ATG2B: variants seen among roughly 807,000 people sequenced by gnomAD.
ATG2B encodes the protein autophagy related 2B.
Under a neutral mutation model 241.3 loss-of-function variants are expected in ATG2B, and 121 were observed. The observed-to-expected ratio is 0.50, with a 90% confidence interval of 0.43 to 0.58. ATG2B has a LOEUF of 0.58. Ranked by LOEUF, ATG2B falls within the 20% of genes least tolerant of loss-of-function variation. The probability of loss-of-function intolerance (pLI) is 0.00; values close to 1 mark genes in which losing one functional copy is unlikely to be tolerated. For synonymous variants in ATG2B, 858 were observed against 876.6 expected, an observed-to-expected ratio of 0.98 and a Z score of 0.37; for missense variants, 2,306 against 2,491.6, an observed-to-expected ratio of 0.93 and a Z score of 1.59.
intron 1 of ATG2B, among the ~76,000 whole-genome samples, chr14:96,355,560 G>T (rs1162871038): frequency 1.3e-5 from 2 of 152,032 alleles, no homozygotes; most frequent in African/African-American, 4.8e-5. Flanking sequence ...AATAGAAATA[G>T]TAACTCCACA....
chr14:96,353,615 G>A (rs527459193), intron 1 of ATG2B, among the ~76,000 whole-genome samples: 2 of 149,482 alleles, frequency 1.3e-5, no homozygotes, highest in Admixed American at 1.4e-4. Context: ...GAAACAGTGA[G>A]AATCTGTCTC....
chr14:96,324,870 A>G (rs1887549080), intron 15 of ATG2B, among the ~76,000 whole-genome samples: 2 of 152,082 alleles, frequency 1.3e-5, no homozygotes, highest in African/African-American at 4.8e-5. Context: ...GAGAGAGAAA[A>G]GAAGGGGAAC....
rs146974559 is a variant in ATG2B at position 96,358,933 on chromosome 14, T to C, written c.162+3882A>G. On this transcript the variant is annotated intron_variant, in intron 1 of 41. Transcript: ENST00000359933. Reference sequence around the variant, plus strand: ...TTATCATCAATGAGTTTCACGCATATAAACAGAAAAAGTGAAGGTAACACT... The same window carrying C: ...TTATCATCAATGAGTTTCACGCATACAAACAGAAAAAGTGAAGGTAACACT... Among the ~76,000 whole-genome samples, 673 of 152,334 alleles carry C rather than the reference T, an allele frequency of 4.4e-3. 26 individuals carry two copies. The South Asian group carries it at 0.067, about 15-fold the overall frequency.
At chr14:96,357,863 A>T (rs1209287416) in intron 1 of ATG2B, among the ~76,000 whole-genome samples, 1 of 152,190 alleles carries the variant, frequency 6.6e-6, no homozygotes, top group Admixed American at 6.5e-5. Flanking sequence ...CTATTACTTC[A>T]TACCTCATAT....
At chr14:96,335,445 T>C (rs988755898) in intron 6 of ATG2B, among the ~76,000 whole-genome samples, 1 of 152,196 alleles carries the variant, frequency 6.6e-6, no homozygotes, top group East Asian at 1.9e-4. Flanking sequence ...AAATCATTAT[T>C]ATCACTTTTA....
chr14:96,328,604 C>T, intron 13 of ATG2B, 69 bp from the exon 14 acceptor site: 1 of 1,552,920 alleles, frequency 6.4e-7, no homozygotes, highest in Non-Finnish European at 8.7e-7. Context: ...GGGTTAAAAC[C>T]TTATAATTGT....
Position 96,281,651 on chromosome 14 carries a change from A to C in ATG2B, c.*4104T>G, listed in dbSNP as rs1015506266. On this transcript the variant is annotated 3_prime_UTR_variant, in exon 42 of 42. Coordinates refer to ENST00000359933, the MANE Select transcript of ATG2B (RefSeq NM_018036.7). ...TACACAAAATACAAGTGAAACAGTG[A>C]AGTAAACATATTTTTAGAGGGAGGT... 2 of 152,264 alleles carry C rather than the reference A, an allele frequency of 1.3e-5. No homozygotes were observed. The highest frequency in any genetic ancestry group is 2.9e-5 in the Non-Finnish European group (2 of 68,046). 9.4% of individuals were successfully genotyped at this position (152,264 alleles called of 1,614,324 possible). A position where few individuals can be genotyped will look rare whatever the true frequency, so the allele number is the denominator to read the frequency against.
At chr14:96,304,857 T>C (rs574341328) in intron 31 of ATG2B, among the ~76,000 whole-genome samples, 2 of 152,296 alleles carry the variant, frequency 1.3e-5, no homozygotes, top group East Asian at 1.9e-4. Context: ...AAGCTAATTA[T>C]GATGCTGGGA....
chr14:96,346,469 AT>A (rs1888171977), intron 2 of ATG2B, among the ~76,000 whole-genome samples: 1 of 152,170 alleles, frequency 6.6e-6, no homozygotes, highest in Non-Finnish European at 1.5e-5. Context: ...ACTAAAGACG[AT>A]TTCCATGCAT....
chr14:96,345,398 T>G lies in ATG2B; in HGVS notation c.326-13A>C, dbSNP rs781443609. On this transcript the variant is annotated splice_polypyrimidine_tract_variant and intron_variant, in intron 2 of 41. Coordinates refer to ENST00000359933, the MANE Select transcript of ATG2B (RefSeq NM_018036.7). ...TCAGAACCAGTTGCTGTGGAAAATA[T>G]AAATTAATCCTAAATAATTTCTTAA... 7 of 1,578,722 alleles carry G rather than the reference T, an allele frequency of 4.4e-6. No individual in the cohort carries two copies. The highest frequency in any genetic ancestry group is 6.0e-6 in the Non-Finnish European group (7 of 1,166,120).
At chr14:96,354,284 C>T (rs887472909) in intron 1 of ATG2B, among the ~76,000 whole-genome samples, 1 of 152,210 alleles carries the variant, frequency 6.6e-6, no homozygotes, top group African/African-American at 2.4e-5. Context: ...GATGCTCTCA[C>T]TCCTCACCCT....
Position 96,302,010 on chromosome 14 carries a change from G to A in ATG2B, c.5136C>T (p.Asp1712=). ...VSLMPLRLNI[D]QDALFFLKDF... ...GAATCACGCTCATGCTACAAACCTG[G>A]TCAATATTGAGGCGGAGCGGCATCA... Residue 1712 remains aspartate, a synonymous_variant, in exon 34 of 42, where the codon GAC becomes GAT. Coordinates refer to ENST00000359933, the MANE Select transcript of ATG2B (RefSeq NM_018036.7). 6.2e-7 allele frequency: 1 copy of A among 1,612,602 alleles called. No individual in the cohort carries two copies. The highest frequency in any genetic ancestry group is 8.5e-7 in the Non-Finnish European group (1 of 1,178,928).
At chr14:96,344,791 C>T in intron 3 of ATG2B, 35 bp from the exon 4 acceptor site, 1 of 901,512 alleles carries the variant, frequency 1.1e-6, no homozygotes, top group Non-Finnish European at 1.7e-6. Context: ...CGTAAGAGAC[C>T]ACATATATGC....
chr14:96,294,891 A>T (rs1466837451), intron 36 of ATG2B, 69 bp downstream of exon 36: 5 of 1,373,874 alleles, frequency 3.6e-6, no homozygotes, highest in Non-Finnish European at 5.1e-6. Context: ...TTACCAGCAC[A>T]CATACATCAC....
At chr14:96,309,886 G>C (rs994928242) in intron 28 of ATG2B, among the ~76,000 whole-genome samples, 1 of 152,142 alleles carries the variant, frequency 6.6e-6, no homozygotes, top group African/African-American at 2.4e-5. Context: ...CTGCAATAAA[G>C]CTGGGAAAGA....
At chr14:96,333,640 CTA>C in intron 8 of ATG2B, 46 bp downstream of exon 8, 1 of 1,535,064 alleles carries the variant, frequency 6.5e-7, no homozygotes, top group East Asian at 2.3e-5. Context: ...GTAATTTTAT[CTA>C]TGATTATAAT....
chr14:96,316,610 C>T lies in ATG2B; in HGVS notation c.3284G>A (p.Cys1095Tyr). The change falls in exon 21 of 42, where the codon TGT becomes TAT. Residue 1095 changes from cysteine to tyrosine, a missense_variant. Coordinates refer to ENST00000359933, the MANE Select transcript of ATG2B (RefSeq NM_018036.7). The stretch of plus-strand genomic sequence containing the variant: ...ATCAAAACCTTCATATTTTGTCACA[C>T]AAAATAATGAACCACTATTGAACTC... Reference protein sequence around the residue: ...WLEFNSGSLFCVTKYEGFDDK... With the variant: ...WLEFNSGSLFYVTKYEGFDDK... 6.2e-7 allele frequency: 1 copy of T among 1,613,494 alleles called. No individual in the cohort carries two copies. The highest frequency in any genetic ancestry group is 8.5e-7 in the Non-Finnish European group (1 of 1,179,696).
intron 6 of ATG2B, among the ~76,000 whole-genome samples, chr14:96,341,274 G>A (rs942978114): frequency 3.3e-5 from 5 of 152,104 alleles, no homozygotes; most frequent in East Asian, 1.9e-4. Flanking sequence ...GTCGGAATAC[G>A]GGAGAGTGAG....
intron 1 of ATG2B, among the ~76,000 whole-genome samples, chr14:96,357,305 G>T (rs1888503031): frequency 6.6e-6 from 1 of 151,748 alleles, no homozygotes; most frequent in South Asian, 2.1e-4. Context: ...TTCATCTTCG[G>T]CCTTTTTTGT....
Sources: gnomAD v4.1 joint callset for allele counts (sites outside exome capture counted in the v4.1 genomes callset) on GRCh38, gnomAD v4.1.1 for gene constraint, MANE v1.5 for transcripts, NCBI Gene and HGNC (gene_info 2026-07-23, HGNC 2026-07-21) for gene names.